GRIN3A: variants seen among roughly 807,000 people sequenced by gnomAD.
GRIN3A encodes glutamate receptor ionotropic, NMDA 3A.
Under a neutral mutation model 92.4 loss-of-function variants are expected in GRIN3A, and 47 were observed. That is an observed-to-expected ratio of 0.51 (90% CI 0.40 to 0.65). The LOEUF is 0.65. Ranked by LOEUF, GRIN3A falls within the 30% of genes least tolerant of loss-of-function variation. The pLI, the probability that GRIN3A is intolerant of heterozygous loss-of-function variation, is 0.00. For missense variants in GRIN3A, 1,324 were observed against 1,393.1 expected, an observed-to-expected ratio of 0.95 and a Z score of 0.79; for synonymous variants, 527 against 540.6, an observed-to-expected ratio of 0.97 and a Z score of 0.35.
chr9:101,653,371 T>C (rs1216813167), intron 3 of GRIN3A, among the ~76,000 whole-genome samples: 1 of 151,912 alleles, frequency 6.6e-6, no homozygotes, highest in East Asian at 1.9e-4. Flanking sequence ...TATGATGAAC[T>C]CTAAAGTGAC....
chr9:101,634,961 A>C (rs1828766081), intron 3 of GRIN3A, among the ~76,000 whole-genome samples: 2 of 152,212 alleles, frequency 1.3e-5, no homozygotes, highest in South Asian at 4.1e-4. Flanking sequence ...CAATGCCAAA[A>C]AGAATGTTGC....
intron 6 of GRIN3A, chr9:101,595,143 G>A (rs1257573110): frequency 3.4e-6 from 2 of 587,604 alleles, no homozygotes; most frequent in Non-Finnish European, 6.0e-6. Context: ...GGGGCGGAAG[G>A]GGAGGTGGGT....
intron 6 of GRIN3A, among the ~76,000 whole-genome samples, chr9:101,608,823 G>A (rs540506246): frequency 6.6e-6 from 1 of 152,254 alleles, no homozygotes; most frequent in Admixed American, 6.5e-5. Context: ...ATACTATATT[G>A]TATAGAATAC....
intron 1 of GRIN3A, among the ~76,000 whole-genome samples, chr9:101,714,693 C>T (rs941530363): frequency 6.6e-6 from 1 of 151,888 alleles, no homozygotes; most frequent in Non-Finnish European, 1.5e-5. Context: ...AACAGAAGTG[C>T]TAGTGAAAAA....
intron 1 of GRIN3A, among the ~76,000 whole-genome samples, chr9:101,711,785 G>A (rs1347210293): frequency 6.6e-6 from 1 of 152,072 alleles, no homozygotes; most frequent in Non-Finnish European, 1.5e-5. Flanking sequence ...AGTAGGGGTG[G>A]GTGAATGGAA....
chr9:101,660,951 G>A (rs1829164490), intron 3 of GRIN3A, among the ~76,000 whole-genome samples: 1 of 151,832 alleles, frequency 6.6e-6, no homozygotes, highest in South Asian at 2.1e-4. Context: ...CCAGCACTCT[G>A]CTAGGTTCTG....
chr9:101,738,273 T>G lies in GRIN3A; in HGVS notation c.-294A>C. ...CTGTCACCCGCAGCTGGAGCGCCCG[T>G]TCCCTGCCCGCCCCATCTGCAGGGC... On this transcript the variant is annotated 5_prime_UTR_variant, in exon 1 of 9. Transcript: ENST00000361820. The G allele has an allele frequency of 1.0e-4, 45 of 432,552 alleles. No homozygotes were observed. The highest frequency in any genetic ancestry group is 6.7e-4 in the Middle Eastern group (1 of 1,488). The allele number at this position is 432,552 out of a possible 1,614,324, so 26.8% of individuals were successfully genotyped here. A position where few individuals can be genotyped will look rare whatever the true frequency, so the allele number is the denominator to read the frequency against.
rs937813996 is a variant in GRIN3A, at chr9:101,738,070, G to T, written c.-91C>A. On this transcript the variant is annotated 5_prime_UTR_variant, in exon 1 of 9. Transcript: ENST00000361820. The stretch of plus-strand genomic sequence containing the variant: ...CCTGAGGTCTCCGCCTCCAGGTCCC[G>T]CGCGCAGCTTCACTCCACTCGGTGA... 2.7e-6 allele frequency: 3 copies of T among 1,105,666 alleles called. No individual in the cohort carries two copies. In the South Asian group the frequency reaches 4.0e-5, roughly 15 times the overall value. 68.5% of individuals were successfully genotyped at this position (1,105,666 alleles called of 1,614,324 possible).
Position 101,696,566 on chromosome 9 carries a change from TA to T in GRIN3A, c.700-9367del, listed in dbSNP as rs1588287471. 1.3e-5 allele frequency among the ~76,000 whole-genome samples: 2 copies of T among 152,308 alleles called. 1 individual carries two copies. Among genetic ancestry groups the T allele is most frequent in the East Asian group, 3.9e-4 (2 of 5,182 alleles). ...AAATTAAGTAACATCTGAAGGAACATACACAGGCAGATGATTTACAAGATAA... is the reference window on the plus strand; with the variant it reads ...AAATTAAGTAACATCTGAAGGAACATCACAGGCAGATGATTTACAAGATAA... On this transcript the variant is annotated intron_variant, in intron 1 of 8. Coordinates refer to ENST00000361820, the MANE Select transcript of GRIN3A (RefSeq NM_133445.3).
At position 101,618,790 on chromosome 9, in the gene GRIN3A, G is replaced by T. The variant is rs373174840; in HGVS notation, c.2614+4528C>A. Among the ~76,000 whole-genome samples the T allele has an allele frequency of 2.0e-5, 3 of 152,214 alleles. No individual in the cohort carries two copies. In the South Asian group the frequency reaches 6.2e-4, roughly 32 times the overall value. On this transcript the variant is annotated intron_variant, in intron 5 of 8. Transcript: ENST00000361820. ...TTTATTTCTGTCCCCATTTATAGTT[G>T]CTTTTCAAATTTGCTAGTGTTCATT... is the stretch of plus-strand genomic sequence containing the variant.
intron 2 of GRIN3A, among the ~76,000 whole-genome samples, chr9:101,683,312 TC>T (rs1829486998): frequency 6.6e-6 from 1 of 152,206 alleles, no homozygotes; most frequent in African/African-American, 2.4e-5. Flanking sequence ...AACTCTGACA[TC>T]CACTATTCAT....
intron 6 of GRIN3A, among the ~76,000 whole-genome samples, chr9:101,585,360 C>G (rs570649008): frequency 2.0e-5 from 3 of 152,152 alleles, no homozygotes; most frequent in Non-Finnish European, 4.4e-5. Flanking sequence ...CACTCATGTT[C>G]TCATTCAGAG....
At chr9:101,644,661 C>A (rs372389132) in intron 3 of GRIN3A, among the ~76,000 whole-genome samples, 14 of 151,496 alleles carry the variant, frequency 9.2e-5, no homozygotes, top group South Asian at 6.3e-4. Context: ...ATTCGTGACT[C>A]CATTCTCACT....
rs1467312888 is a variant in GRIN3A at position 101,671,093 on chromosome 9, G to T, written c.1319C>A (p.Thr440Asn). ...GGAACCACTGAGGCCTCTGAAAGTG[G>T]TATTGGCTAGAAACCTGGGAAAGAG... ...GQYLSRFLAN[T>N]TFRGLSGSIR... is the part of the protein sequence containing the mutation. Residue 440 changes from threonine to asparagine, a missense_variant, in exon 3 of 9, where the codon ACC becomes AAC. Transcript: ENST00000361820. The T allele has an allele frequency of 2.5e-6, 4 of 1,613,322 alleles. No individual in the cohort carries two copies. Among genetic ancestry groups the T allele is most frequent in the Non-Finnish European group, 2.5e-6 (3 of 1,179,408 alleles).
chr9:101,709,381 A>G (rs1415717951), intron 1 of GRIN3A, among the ~76,000 whole-genome samples: 1 of 152,158 alleles, frequency 6.6e-6, no homozygotes, highest in Non-Finnish European at 1.5e-5. Context: ...AACAGAGTAC[A>G]ATTTTCTGCT....
chr9:101,733,526 C>T (rs1830167618), intron 1 of GRIN3A, among the ~76,000 whole-genome samples: 1 of 152,258 alleles, frequency 6.6e-6, no homozygotes, highest in Admixed American at 6.5e-5. Context: ...GAATACATTT[C>T]CCCCAGAGGA....
At chr9:101,697,733 C>T (rs1228524316) in intron 1 of GRIN3A, among the ~76,000 whole-genome samples, 2 of 152,128 alleles carry the variant, frequency 1.3e-5, no homozygotes, top group African/African-American at 4.8e-5. Flanking sequence ...TAAAGCTCAC[C>T]TATATCAAAC....
chr9:101,722,409 A>C (rs914609687), intron 1 of GRIN3A, among the ~76,000 whole-genome samples: 9 of 152,370 alleles, frequency 5.9e-5, no homozygotes, highest in African/African-American at 2.2e-4. Flanking sequence ...GCCCCCACAG[A>C]GTCCCTACTG....
chr9:101,620,481 G>A (rs557659463), intron 5 of GRIN3A, among the ~76,000 whole-genome samples: 1 of 152,264 alleles, frequency 6.6e-6, no homozygotes, highest in African/African-American at 2.4e-5. Context: ...AGTACTGAGT[G>A]TGTTACTACT....
Sources: allele counts gnomAD v4.1 joint callset (sites outside exome capture counted in the v4.1 genomes callset), GRCh38; gene constraint gnomAD v4.1.1; transcripts MANE v1.5; gene names NCBI Gene and HGNC (gene_info 2026-07-23, HGNC 2026-07-21).